The following ERAP1 variants were observed in gnomAD, a reference collection of about 807,000 sequenced individuals.
ERAP1 encodes endoplasmic reticulum aminopeptidase 1, also known as adipocyte-derived leucine aminopeptidase.
ERAP1 carries 86 observed loss-of-function variants against 103.7 expected under a neutral mutation model. The observed-to-expected ratio is 0.83, with a 90% CI of 0.70 to 0.99. The LOEUF is 0.99. Among genes scored for constraint, ERAP1 ranks in the 50% least tolerant of loss-of-function variants. The probability of loss-of-function intolerance (pLI) is 0.00; values close to 1 mark genes in which losing one functional copy is unlikely to be tolerated. For synonymous variants in ERAP1, 398 were observed against 402.4 expected, an observed-to-expected ratio of 0.99 and a Z score of 0.13; for missense variants, 1,009 against 1,128.4, an observed-to-expected ratio of 0.89 and a Z score of 1.52.
the ERAP1 span, among the ~76,000 whole-genome samples, chr5:96,856,357 T>A: frequency 2.8e-5 from 1 of 35,374 alleles, no homozygotes; most frequent in Non-Finnish European, 6.8e-5. Flanking sequence ...AAAATATATA[T>A]ATATATATAG....
chr5:96,794,321 T>C (rs1437248415), intron 5 of ERAP1, among the ~76,000 whole-genome samples: 2 of 151,936 alleles, frequency 1.3e-5, no homozygotes, highest in African/African-American at 4.8e-5. Flanking sequence ...TGCAAGTAGC[T>C]GGGACTACAA....
chr5:96,901,471 C>T, the ERAP1 span: 1 of 1,602,918 alleles, frequency 6.2e-7, no homozygotes. Flanking sequence ...ATTGTCTCCT[C>T]TCTCTTGAGT....
At chr5:96,794,382 GT>G (rs947901501) in intron 5 of ERAP1, among the ~76,000 whole-genome samples, 3 of 151,800 alleles carry the variant, frequency 2.0e-5, no homozygotes, top group African/African-American at 7.3e-5. Context: ...TGGAAACAGG[GT>G]TTTGCCATGT....
intron 17 of ERAP1, 41 bp from the exon 18 acceptor site, chr5:96,780,545 AT>A (rs1274036613): frequency 6.8e-7 from 1 of 1,472,488 alleles, no homozygotes. Flanking sequence ...TGAAATACTT[AT>A]TCATTTAACA....
the ERAP1 span, chr5:96,918,030 T>A: frequency 6.6e-6 from 1 of 152,164 alleles, no homozygotes; most frequent in African/African-American, 2.4e-5. Flanking sequence ...GAGCTGTGGA[T>A]ATTTTGTCTA....
At chr5:96,928,933 TACA>T in the ERAP1 span, among the ~76,000 whole-genome samples, 3 of 152,164 alleles carry the variant, frequency 2.0e-5, no homozygotes, top group Admixed American at 6.5e-5. Flanking sequence ...CAAAATGGCA[TACA>T]ACAAGTATAT....
chr5:96,779,562 C>A (rs1326241368), intron 18 of ERAP1: 2 of 152,138 alleles, frequency 1.3e-5, no homozygotes, highest in Non-Finnish European at 2.9e-5. Flanking sequence ...AATAGTGTAA[C>A]CAGACTACAC....
chr5:96,864,414 A>G, the ERAP1 span, among the ~76,000 whole-genome samples: 1 of 152,212 alleles, frequency 6.6e-6, no homozygotes, highest in African/African-American at 2.4e-5. Context: ...GATTTTATGG[A>G]AAATGAGTGT....
chr5:96,836,336 G>A, the ERAP1 span, among the ~76,000 whole-genome samples: 1 of 152,012 alleles, frequency 6.6e-6, no homozygotes, highest in Non-Finnish European at 1.5e-5. Flanking sequence ...CAAGTAGCTG[G>A]GACTACAGGC....
chr5:96,770,695 A>G (rs1047205164), downstream of ERAP1: 14 of 841,718 alleles, frequency 1.7e-5, no homozygotes, highest in Non-Finnish European at 2.6e-5. Context: ...ACTGGAATCT[A>G]TTTAGAATAA....
chr5:96,784,555 C>T (rs30376), intron 13 of ERAP1, among the ~76,000 whole-genome samples: 106,885 of 152,012 alleles, frequency 0.7, 37,825 homozygotes, highest in Non-Finnish European at 0.72. Context: ...ACACAACATC[C>T]GGCATGTTTA....
chr5:96,906,464 G>A, the ERAP1 span, among the ~76,000 whole-genome samples: 1 of 152,134 alleles, frequency 6.6e-6, no homozygotes, highest in Non-Finnish European at 1.5e-5. Flanking sequence ...GATGGCGTCT[G>A]CCTATGTTGT....
At chr5:96,915,940 T>A in the ERAP1 span, 1 of 496,660 alleles carries the variant, frequency 2.0e-6, no homozygotes, top group East Asian at 3.7e-5. Flanking sequence ...ACCTGACACT[T>A]GGCCAGGCAC....
rs59338324 is a variant in ERAP1 at position 96,765,327 on chromosome 5, TAA to T, written c.2819-2101_2819-2100del. 0.23 allele frequency: 117,411 copies of T among 502,162 alleles called. 8,837 individuals are homozygous for T. The highest frequency in any genetic ancestry group is 0.28 in the Admixed American group (6,295 of 22,388). The allele number at this position is 502,162 out of a possible 1,614,324, so 31.1% of individuals were successfully genotyped here. A position where few individuals can be genotyped will look rare whatever the true frequency, so the allele number is the denominator to read the frequency against. ...AAACCAATGGAAGATAAAGTAAAGG[TAA>T]AAAAAAAAAAAAAAAAAAAAAAAAT... On this transcript the variant is annotated intron_variant, in intron 19 of 19. Coordinates refer to the ERAP1 transcript ENST00000296754.
intron 18 of ERAP1, among the ~76,000 whole-genome samples, chr5:96,778,946 G>T (rs934279146): frequency 6.6e-6 from 1 of 152,040 alleles, no homozygotes; most frequent in Admixed American, 6.6e-5. Context: ...TAACATCTCG[G>T]GCTCTTTACT....
chr5:96,767,947 G>A (rs1162619317), intron 19 of ERAP1: 4 of 1,613,642 alleles, frequency 2.5e-6, no homozygotes, highest in South Asian at 1.1e-5. Flanking sequence ...GCTCTCTCAG[G>A]AGATCTGGAC....
the ERAP1 span, among the ~76,000 whole-genome samples, chr5:96,842,979 C>T: frequency 1.3e-5 from 2 of 152,094 alleles, no homozygotes; most frequent in Non-Finnish European, 2.9e-5. Context: ...GGTGAGGATC[C>T]AGTTTCATTC....
the ERAP1 span, chr5:96,917,936 A>AAAAAG: frequency 4.7e-3 from 763 of 160,964 alleles, 3 homozygotes; most frequent in Middle Eastern, 0.012. Flanking sequence ...AAAGAAAAAG[A>AAAAAG]AAAAGAAAAG....
Position 96,775,008 on chromosome 5 carries a change from TCCGCACCTTAG to T in ERAP1, c.*1377_*1387del. On this transcript the variant is annotated 3_prime_UTR_variant, in exon 19 of 19. Coordinates refer to ENST00000443439, the MANE Select transcript of ERAP1 (RefSeq NM_001040458.3). The stretch of plus-strand genomic sequence containing the variant: ...TTCTCCTTTGCCAGGTGTGAGGATT[TCCGCACCTTAG>T]AGTCAGCGCAAAACACGCTGCAACT... 5.1e-6 allele frequency: 5 copies of T among 985,558 alleles called. No homozygotes were observed. The highest frequency in any genetic ancestry group is 6.0e-6 in the Non-Finnish European group (5 of 829,928). 61.1% of individuals were successfully genotyped at this position (985,558 alleles called of 1,614,324 possible).
Sources: allele counts gnomAD v4.1 joint callset (sites outside exome capture counted in the v4.1 genomes callset), GRCh38; gene constraint gnomAD v4.1.1; transcripts MANE v1.5; gene names NCBI Gene and HGNC (gene_info 2026-07-23, HGNC 2026-07-21).